The following TRAPPC9 variants were observed in gnomAD, a reference collection of about 807,000 sequenced individuals.
The protein encoded by TRAPPC9 is IKK2 binding protein.
In TRAPPC9, 83 loss-of-function variants were observed where a neutral mutation model predicts 124.0. The ratio of observed to expected loss-of-function variants is 0.67; its 90% CI spans 0.56 to 0.80. The LOEUF is 0.80. TRAPPC9 is among the 30% of genes least tolerant of loss of function. The probability of loss-of-function intolerance (pLI) is 0.00; values close to 1 mark genes in which losing one functional copy is unlikely to be tolerated. For synonymous variants in TRAPPC9, 638 were observed against 617.5 expected (o/e 1.03, Z -0.49); for missense variants, 1,302 against 1,508.3 (o/e 0.86, Z 2.27).
At chr8:140,173,218 C>T (rs2061999427) in intron 17 of TRAPPC9, among the ~76,000 whole-genome samples, 1 of 152,260 alleles carries the variant, frequency 6.6e-6, no homozygotes, top group South Asian at 2.1e-4. Flanking sequence ...CAAGATGGAA[C>T]AGATGGGGCA....
intron 11 of TRAPPC9, among the ~76,000 whole-genome samples, chr8:140,292,721 G>A (rs2065693598): frequency 6.7e-6 from 1 of 150,268 alleles, no homozygotes; most frequent in African/African-American, 2.5e-5. Flanking sequence ...AATTCAAGAT[G>A]GATTAAAGAC....
chr8:139,772,996 G>C (rs1821090343), intron 21 of TRAPPC9, among the ~76,000 whole-genome samples: 1 of 152,254 alleles, frequency 6.6e-6, no homozygotes, highest in African/African-American at 2.4e-5. Context: ...GAGGCTGGAG[G>C]CTGAGGTCAC....
intron 17 of TRAPPC9, among the ~76,000 whole-genome samples, chr8:140,083,192 CAAA>C (rs35485579): frequency 6.7e-6 from 1 of 149,488 alleles, no homozygotes; most frequent in South Asian, 2.1e-4. Flanking sequence ...GACTCCATCT[CAAA>C]AAAAAAAATT....
At chr8:140,216,000 C>T (rs2063183405) in intron 17 of TRAPPC9, 1 of 152,144 alleles carries the variant, frequency 6.6e-6, no homozygotes, top group Non-Finnish European at 1.5e-5. Flanking sequence ...TCAAAGGCCT[C>T]GAGTGCAGGA....
chr8:139,794,316 C>A (rs1822901998), intron 21 of TRAPPC9, among the ~76,000 whole-genome samples: 1 of 152,214 alleles, frequency 6.6e-6, no homozygotes, highest in Admixed American at 6.5e-5. Context: ...AAGCTGCCCG[C>A]ACTTGTCCTC....
intron 7 of TRAPPC9, among the ~76,000 whole-genome samples, chr8:140,373,504 G>A (rs1487125186): frequency 1.3e-5 from 2 of 152,150 alleles, no homozygotes; most frequent in African/African-American, 4.8e-5. Context: ...TCCTAACCAT[G>A]CTGGACTCCA....
intron 7 of TRAPPC9, among the ~76,000 whole-genome samples, chr8:140,392,297 G>T (rs539469167): frequency 6.6e-6 from 1 of 152,298 alleles, no homozygotes; most frequent in East Asian, 1.9e-4. Flanking sequence ...CAACAAGCTG[G>T]CTGCTTAATC....
intron 20 of TRAPPC9, among the ~76,000 whole-genome samples, chr8:139,887,059 C>T (rs1830059229): frequency 6.6e-6 from 1 of 151,992 alleles, no homozygotes; most frequent in African/African-American, 2.4e-5. Context: ...ATCAATGGTC[C>T]AATGCAATAG....
intron 17 of TRAPPC9, among the ~76,000 whole-genome samples, chr8:140,217,778 G>A (rs1218628147): frequency 6.6e-6 from 1 of 152,180 alleles, no homozygotes; most frequent in Non-Finnish European, 1.5e-5. Flanking sequence ...CACTTTGGGA[G>A]GCCAAGGCAG....
intron 21 of TRAPPC9, among the ~76,000 whole-genome samples, chr8:139,809,721 C>T (rs1382659933): frequency 3.9e-5 from 6 of 152,192 alleles, no homozygotes; most frequent in Admixed American, 6.5e-5. Context: ...ACAGCCCTGC[C>T]GGCACCATCC....
At position 140,451,252 on chromosome 8, in the gene TRAPPC9, A is replaced by T. The variant is rs1376880090; in HGVS notation, c.122T>A (p.Val41Glu). ...GGAGTCCCGCACGCTGATCTGACTCACAGAGCAAATCCTCTTATAGATCCT... is the reference window on the plus strand; with the variant it reads ...GGAGTCCCGCACGCTGATCTGACTCTCAGAGCAAATCCTCTTATAGATCCT... ...FFRIYKRICS[V>E]SQISVRDSQR... The change falls in exon 2 of 23, where the codon GTG becomes GAG. Residue 41 changes from valine to glutamate, a missense_variant. Val to Glu is a moderately radical substitution (Grantham distance 121). Coordinates refer to ENST00000438773, the MANE Select transcript of TRAPPC9 (RefSeq NM_001160372.4). 6.2e-7 allele frequency: 1 copy of T among 1,613,654 alleles called. No individual in the cohort carries two copies. Among genetic ancestry groups the T allele is most frequent in the South Asian group, 1.1e-5 (1 of 91,080 alleles).
rs904769423 is a variant in TRAPPC9 at position 140,367,487 on chromosome 8, T to C, written c.1351+3477A>G. On this transcript the variant is annotated intron_variant, in intron 8 of 22. Coordinates refer to ENST00000438773, the MANE Select transcript of TRAPPC9 (RefSeq NM_001160372.4). ...GAAGCCAATTTGAAAAGGCTACATA[T>C]TGTATGATTCCAACTATATGACACT... 9.2e-5 allele frequency among the ~76,000 whole-genome samples: 14 copies of C among 152,172 alleles called. 1 individual carries two copies. The highest frequency in any genetic ancestry group is 8.5e-4 in the Admixed American group (13 of 15,284).
intron 17 of TRAPPC9, chr8:140,100,228 C>T (rs2130356779): frequency 6.6e-6 from 1 of 151,780 alleles, no homozygotes; most frequent in South Asian, 2.1e-4. Context: ...CCACCCAAGT[C>T]CTCCGCAGCC....
intron 21 of TRAPPC9, among the ~76,000 whole-genome samples, chr8:139,785,811 G>A (rs1370720685): frequency 6.6e-6 from 1 of 152,116 alleles, no homozygotes; most frequent in Non-Finnish European, 1.5e-5. Context: ...TTAAGAGAAT[G>A]AAAAGACAAG....
At chr8:140,102,787 T>C (rs571565711) in intron 17 of TRAPPC9, among the ~76,000 whole-genome samples, 3 of 152,152 alleles carry the variant, frequency 2.0e-5, no homozygotes, top group African/African-American at 7.2e-5. Flanking sequence ...GGCTGCCTCT[T>C]GCACATGATG....
At chr8:139,974,853 C>T (rs1006680593) in intron 19 of TRAPPC9, among the ~76,000 whole-genome samples, 7 of 152,188 alleles carry the variant, frequency 4.6e-5, no homozygotes, top group Admixed American at 2.0e-4. Context: ...CGGCAGCCTC[C>T]GGCTGCCTCT....
chr8:140,094,467 A>C (rs1844792912), intron 17 of TRAPPC9, among the ~76,000 whole-genome samples: 1 of 152,152 alleles, frequency 6.6e-6, no homozygotes, highest in Non-Finnish European at 1.5e-5. Context: ...CACCACCCAG[A>C]GGCTGCCAAA....
intron 21 of TRAPPC9, among the ~76,000 whole-genome samples, chr8:139,764,523 T>C (rs769935102): frequency 2.6e-5 from 4 of 152,210 alleles, no homozygotes; most frequent in Admixed American, 1.3e-4. Flanking sequence ...TCCCCTCTAG[T>C]GCCGGCAGAA....
intron 17 of TRAPPC9, among the ~76,000 whole-genome samples, chr8:140,181,107 A>G (rs541445398): frequency 8.6e-5 from 13 of 151,984 alleles, no homozygotes; most frequent in African/African-American, 2.4e-4. Context: ...ATTCTTTCAC[A>G]TTTTCTACCT....
Sources: gnomAD v4.1 joint callset for allele counts (sites outside exome capture counted in the v4.1 genomes callset) on GRCh38, gnomAD v4.1.1 for gene constraint, MANE v1.5 for transcripts, NCBI Gene and HGNC (gene_info 2026-07-23, HGNC 2026-07-21) for gene names.